The following ITGAX variants were observed in gnomAD, a reference collection of about 807,000 sequenced individuals.
ITGAX encodes integrin subunit alpha X.
In ITGAX, 99 loss-of-function variants were observed where a neutral mutation model predicts 140.2. The observed-to-expected ratio is 0.71, with a 90% CI of 0.60 to 0.83. The LOEUF (loss-of-function observed/expected upper bound fraction) is 0.83. Ranked by LOEUF, ITGAX falls within the 40% of genes least tolerant of loss-of-function variation. The pLI is 0.00. For synonymous variants in ITGAX, 631 were observed against 600.4 expected, an observed-to-expected ratio of 1.05 and a Z score of -0.75; for missense variants, 1,444 against 1,482.0, an observed-to-expected ratio of 0.97 and a Z score of 0.42.
Position 31,377,206 on chromosome 16 carries a change from C to G in ITGAX, c.2730C>G (p.Ser910Arg), listed in dbSNP as rs201236234. 1.3e-5 allele frequency: 21 copies of G among 1,613,850 alleles called. No homozygotes were observed. In the East Asian group the frequency reaches 4.7e-4, roughly 36 times the overall value. ...VSSENNTPRT[S>R]KTTFQLELPV... ...GTGAGAACAACACTCCCAGGACCAGCAAGACCACCTTCCAGCTGGAGCTCC... is the reference window on the plus strand; with the variant it reads ...GTGAGAACAACACTCCCAGGACCAGGAAGACCACCTTCCAGCTGGAGCTCC... The change falls in exon 23 of 30, where the codon AGC becomes AGG. Residue 910 changes from serine to arginine, a missense_variant. Coordinates refer to ENST00000268296, the MANE Select transcript of ITGAX (RefSeq NM_000887.5).
Position 31,377,038 on chromosome 16 carries a change from T to C in ITGAX, c.2664T>C (p.Ala888=). The C allele has an allele frequency of 2.5e-6, 4 of 1,614,224 alleles. No individual in the cohort carries two copies. The highest frequency in any genetic ancestry group is 3.4e-6 in the Non-Finnish European group (4 of 1,180,040). Residue 888 remains alanine (A), a synonymous_variant, in exon 22 of 30, where the codon GCT becomes GCC. Coordinates refer to ENST00000268296, the MANE Select transcript of ITGAX (RefSeq NM_000887.5). ...FLATFDVSPK[A]VLGDRLLLTA... ...CTACCTTTGACGTCTCCCCCAAGGC[T>C]GTCCTGGGAGACCGGCTGCTTCTGA...
chr16:31,376,600 G>C (rs796266457), intron 20 of ITGAX, among the ~76,000 whole-genome samples, 199 bp from the exon 21 acceptor site: 6 of 152,296 alleles, frequency 3.9e-5, no homozygotes, highest in African/African-American at 1.4e-4. Flanking sequence ...TTTCTAGCCT[G>C]GGTGACAGAG....
At chr16:31,373,641 T>C (rs370198251) in intron 20 of ITGAX, among the ~76,000 whole-genome samples, 59 of 152,352 alleles carry the variant, frequency 3.9e-4, no homozygotes, top group African/African-American at 1.2e-3. Context: ...ATATCAGTAT[T>C]CCTCTTTTAA....
chr16:31,374,597 A>C (rs1018594779), intron 20 of ITGAX, among the ~76,000 whole-genome samples: 1 of 151,912 alleles, frequency 6.6e-6, no homozygotes, highest in Non-Finnish European at 1.5e-5. Context: ...ACACCACCAC[A>C]CCTGGCTAAT....
chr16:31,380,722 AG>A, intron 28 of ITGAX, 98 bp downstream of exon 28: 1 of 1,477,742 alleles, frequency 6.8e-7, no homozygotes, highest in South Asian at 1.1e-5. Flanking sequence ...TTGGGGGAGG[AG>A]GGCGAAGGCC....
chr16:31,371,815 C>T (rs375601975), intron 17 of ITGAX, 31 bp downstream of exon 17: 38 of 1,607,778 alleles, frequency 2.4e-5, no homozygotes, highest in Middle Eastern at 1.7e-4. Context: ...GGGTGGCGGC[C>T]GCGCTGGGGC....
intron 9 of ITGAX, 168 bp downstream of exon 9, chr16:31,361,381 T>G: frequency 1.2e-6 from 1 of 806,072 alleles, no homozygotes; most frequent in Non-Finnish European, 2.0e-6. Context: ...CCCCCAGCAC[T>G]GTCAGAGCTG....
chr16:31,372,470 T>G lies in ITGAX; in HGVS notation c.2253T>G (p.Pro751=), dbSNP rs781077906. Residue 751 remains proline (P), a synonymous_variant, in exon 18 of 30, where the codon CCT becomes CCG. Coordinates refer to ENST00000268296, the MANE Select transcript of ITGAX (RefSeq NM_000887.5). ...TCCTTGCCTTCAGAAACCTGCGGCC[T>G]ATGCTGGCCGCCGATGCTCAGAGAT... The part of the protein sequence containing the change: ...KPLLAFRNLR[P]MLAADAQRYF... 44 of 1,607,376 alleles carry G rather than the reference T, an allele frequency of 2.7e-5. No individual in the cohort carries two copies. Among genetic ancestry groups the G allele is most frequent in the Non-Finnish European group, 3.1e-5 (36 of 1,178,404 alleles).
At chr16:31,376,690 C>G in intron 20 of ITGAX, 109 bp from the exon 21 acceptor site, 1 of 971,806 alleles carries the variant, frequency 1.0e-6, no homozygotes, top group South Asian at 1.4e-5. Flanking sequence ...ATCACTACTT[C>G]GTGGCGTGTC....
rs765969805 is a variant in ITGAX, at chr16:31,379,785, C to G, written c.2897C>G (p.Pro966Arg). The G allele has an allele frequency of 1.1e-5, 18 of 1,614,014 alleles. No individual in the cohort carries two copies. In the South Asian group the frequency reaches 1.9e-4, roughly 17 times the overall value. Reference sequence around the variant, plus strand: ...AATAACCTGGGACAGAGGGACCTGCCTGTCAGCATCAACTTCTGGGTGCCT... The same window carrying G: ...AATAACCTGGGACAGAGGGACCTGCGTGTCAGCATCAACTTCTGGGTGCCT... The part of the protein sequence containing the change: ...QVNNLGQRDL[P>R]VSINFWVPVE... The change falls in exon 25 of 30, where the codon CCT becomes CGT. Residue 966 changes from proline (P) to arginine (R), a missense_variant. Coordinates refer to ENST00000268296, the MANE Select transcript of ITGAX (RefSeq NM_000887.5).
chr16:31,361,321 C>A, intron 9 of ITGAX, 108 bp downstream of exon 9: 1 of 1,241,630 alleles, frequency 8.1e-7, no homozygotes, highest in Non-Finnish European at 1.1e-6. Context: ...GGTTCTCCTG[C>A]TTTCCCGGGA....
intron 1 of ITGAX, 101 bp downstream of exon 1, chr16:31,355,392 AAG>A (rs1272347449): frequency 7.8e-7 from 1 of 1,284,846 alleles, no homozygotes; most frequent in Non-Finnish European, 1.1e-6. Context: ...TCTGGGTAGG[AAG>A]AGAGACTCAG....
chr16:31,382,905 G>A lies in ITGAX; in HGVS notation c.*998G>A, dbSNP rs2081082724. On this transcript the variant is annotated 3_prime_UTR_variant, in exon 30 of 30. Coordinates refer to ENST00000268296, the MANE Select transcript of ITGAX (RefSeq NM_000887.5). ...TTTTTTTAAAAAGCGTACTTTAAAT[G>A]TTTGTGTTAATAAATTAAAACATGC... 1 of 174,962 alleles carries A rather than the reference G, an allele frequency of 5.7e-6. No individual in the cohort carries two copies. Among genetic ancestry groups the A allele is most frequent in the Non-Finnish European group, 1.2e-5 (1 of 82,646 alleles). 10.8% of individuals were successfully genotyped at this position (174,962 alleles called of 1,614,324 possible).
In ITGAX at chr16:31,363,052, T is replaced by C. The variant is rs1398548600; in HGVS notation, c.1477T>C (p.Ser493Pro). The C allele has an allele frequency of 6.2e-7, 1 of 1,610,948 alleles. No homozygotes were observed. Among genetic ancestry groups the C allele is most frequent in the South Asian group, 1.1e-5 (1 of 90,890 alleles). The change falls in exon 13 of 30, where the codon TCT (serine) becomes CCT (proline). Residue 493 changes from serine (S) to proline (P), a missense_variant. Transcript: ENST00000268296. ...YYEQTRGGQV[S>P]VCPLPRGWRR... ...CGAGCAGACCCGAGGGGGCCAGGTG[T>C]CTGTGTGTCCCTTGCCCAGGGGGGT...
At chr16:31,372,942 C>CAACAACAACA (rs1287890490) in intron 19 of ITGAX, among the ~76,000 whole-genome samples, 1 of 151,668 alleles carries the variant, frequency 6.6e-6, no homozygotes, top group Non-Finnish European at 1.5e-5. Flanking sequence ...ACAACAACAA[C>CAACAACAACA]ATCACTTGAG....
intron 26 of ITGAX, 37 bp downstream of exon 26, chr16:31,380,102 C>G: frequency 6.3e-7 from 1 of 1,591,496 alleles, no homozygotes; most frequent in Non-Finnish European, 8.6e-7. Context: ...ACTGTAGGCC[C>G]CACATCAGAG....
At chr16:31,374,595 A>G (rs2081002619) in intron 20 of ITGAX, among the ~76,000 whole-genome samples, 1 of 152,058 alleles carries the variant, frequency 6.6e-6, no homozygotes, top group African/African-American at 2.4e-5. Flanking sequence ...ACACACCACC[A>G]CACCTGGCTA....
chr16:31,378,414 G>A (rs1208112073), intron 23 of ITGAX, among the ~76,000 whole-genome samples: 8 of 152,272 alleles, frequency 5.3e-5, no homozygotes, highest in Middle Eastern at 3.4e-3. Context: ...TCATTGTACC[G>A]ACTACCCGGC....
At position 31,371,668 on chromosome 16, in the gene ITGAX, G is replaced by C; in HGVS notation, c.2044G>C (p.Asp682His). 3 of 1,614,082 alleles carry C rather than the reference G, an allele frequency of 1.9e-6. No individual in the cohort carries two copies. Among genetic ancestry groups the C allele is most frequent in the Non-Finnish European group, 2.5e-6 (3 of 1,180,026 alleles). The change falls in exon 17 of 30, where the codon GAC becomes CAC. Residue 682 changes from aspartate to histidine, a missense_variant. Physicochemically the swap from Asp to His is moderately conservative, Grantham distance 81 (BLOSUM62 -1). Coordinates refer to ENST00000268296, the MANE Select transcript of ITGAX (RefSeq NM_000887.5). Reference protein sequence around the residue: ...QSSVTLDLALDPGRLSPRATF... With the variant: ...QSSVTLDLALHPGRLSPRATF... Reference sequence around the variant, plus strand: ...CTCTGTGACCTTGGACCTGGCCCTCGACCCTGGCCGCCTGAGTCCCCGTGC... The same window carrying C: ...CTCTGTGACCTTGGACCTGGCCCTCCACCCTGGCCGCCTGAGTCCCCGTGC...
Sources: allele counts gnomAD v4.1 joint callset (sites outside exome capture counted in the v4.1 genomes callset), GRCh38; gene constraint gnomAD v4.1.1; transcripts MANE v1.5; gene names NCBI Gene and HGNC (gene_info 2026-07-23, HGNC 2026-07-21).